The following KLHL29 variants were observed in gnomAD, a reference collection of about 807,000 sequenced individuals.
KLHL29 encodes kelch like family member 29, also known as kelch-like protein 29.
In KLHL29, 21 loss-of-function variants were observed where a neutral mutation model predicts 80.4. That is an observed-to-expected ratio of 0.26 (90% CI 0.19 to 0.38). The LOEUF is 0.38. KLHL29 is among the 10% of genes least tolerant of loss of function. The pLI is 1.00. For synonymous variants in KLHL29, 511 were observed against 526.8 expected, an observed-to-expected ratio of 0.97 and a Z score of 0.41; for missense variants, 867 against 1,223.9, an observed-to-expected ratio of 0.71 and a Z score of 4.35.
chr2:23,397,832 A>AC (rs1666488940), intron 1 of KLHL29, among the ~76,000 whole-genome samples: 2 of 152,374 alleles, frequency 1.3e-5, no homozygotes, highest in South Asian at 4.1e-4. Context: ...GAGAAGGTAT[A>AC]CCAATGGCCA....
At chr2:23,655,903 C>T (rs1222173249) in intron 5 of KLHL29, among the ~76,000 whole-genome samples, 1 of 152,174 alleles carries the variant, frequency 6.6e-6, no homozygotes, top group Non-Finnish European at 1.5e-5. Flanking sequence ...AATCATCACG[C>T]GGCATCCCCT....
chr2:23,515,365 A>C (rs1038927702), intron 2 of KLHL29, among the ~76,000 whole-genome samples: 1 of 152,088 alleles, frequency 6.6e-6, no homozygotes, highest in African/African-American at 2.4e-5. Context: ...CACAACATAC[A>C]TGCTATTTCA....
chr2:23,532,932 G>C (rs1453564499), intron 2 of KLHL29, among the ~76,000 whole-genome samples: 1 of 152,170 alleles, frequency 6.6e-6, no homozygotes, highest in African/African-American at 2.4e-5. Context: ...GAGAGGAGGA[G>C]CTCAGCTGGC....
intron 3 of KLHL29, among the ~76,000 whole-genome samples, chr2:23,587,445 C>T (rs927639559): frequency 6.6e-6 from 1 of 152,078 alleles, no homozygotes; most frequent in Non-Finnish European, 1.5e-5. Flanking sequence ...TTCTCAAGCC[C>T]TCGTACATGG....
In KLHL29 at chr2:23,696,304, G is replaced by A. The variant is rs376862963; in HGVS notation, c.1925-29G>A. 1.4e-5 allele frequency: 21 copies of A among 1,548,500 alleles called. No homozygotes were observed. In the African/African-American group the frequency reaches 2.1e-4, roughly 15 times the overall value. On this transcript the variant is annotated intron_variant, in intron 10 of 13. Coordinates refer to ENST00000486442, the MANE Select transcript of KLHL29 (RefSeq NM_052920.2). The surrounding 1 kb of genome is among the most constrained non-coding windows in gnomAD (Gnocchi z 5.5). ...CCCCAGGCCCCTCCTCACCCCGCCC[G>A]CTCTCTCTGCCTCCCACACTGCCTC...
intron 1 of KLHL29, among the ~76,000 whole-genome samples, chr2:23,388,583 TTTTA>T (rs1344166603): frequency 6.6e-6 from 1 of 152,206 alleles, no homozygotes; most frequent in Non-Finnish European, 1.5e-5. Flanking sequence ...ATCCATTCAT[TTTTA>T]TTTAGTCAAC....
At chr2:23,639,495 G>A (rs1299052107) in intron 4 of KLHL29, among the ~76,000 whole-genome samples, 1 of 152,228 alleles carries the variant, frequency 6.6e-6, no homozygotes, top group African/African-American at 2.4e-5. Flanking sequence ...ACTCCAGAGA[G>A]CAAAAGGAGT....
At chr2:23,663,153 C>G (rs1670461655) in intron 5 of KLHL29, among the ~76,000 whole-genome samples, 3 of 152,296 alleles carry the variant, frequency 2.0e-5, no homozygotes, top group African/African-American at 7.2e-5. Flanking sequence ...TACTCCCAGC[C>G]CCCAAACCCC....
chr2:23,438,221 G>C (rs1209645459), intron 1 of KLHL29, among the ~76,000 whole-genome samples: 1 of 151,620 alleles, frequency 6.6e-6, no homozygotes, highest in African/African-American at 2.4e-5. Context: ...CTGAGATGAT[G>C]GGGTTTTCTA....
At chr2:23,489,243 T>G (rs1380543138) in intron 2 of KLHL29, among the ~76,000 whole-genome samples, 1 of 152,108 alleles carries the variant, frequency 6.6e-6, no homozygotes, top group African/African-American at 2.4e-5. Flanking sequence ...TGCTGAGTGA[T>G]GTGCTGGGAG....
chr2:23,588,002 C>G (rs1367234106), intron 3 of KLHL29, among the ~76,000 whole-genome samples: 2 of 152,226 alleles, frequency 1.3e-5, no homozygotes, highest in Non-Finnish European at 2.9e-5. Flanking sequence ...AAAAAGTCCT[C>G]TCACCTGCCC....
intron 13 of KLHL29, 63 bp downstream of exon 13, chr2:23,703,926 C>A: frequency 1.4e-6 from 2 of 1,465,546 alleles, no homozygotes; most frequent in Non-Finnish European, 1.8e-6. Context: ...AGGGGTGTGA[C>A]CACAATGATT....
intron 2 of KLHL29, among the ~76,000 whole-genome samples, chr2:23,490,791 C>T (rs1206064467): frequency 6.6e-6 from 1 of 152,150 alleles, no homozygotes; most frequent in Admixed American, 6.5e-5. Flanking sequence ...ATGGATGGCT[C>T]CCAACCTAAA....
intron 1 of KLHL29, among the ~76,000 whole-genome samples, chr2:23,392,432 G>C (rs907168191): frequency 6.6e-6 from 1 of 152,172 alleles, no homozygotes; most frequent in Admixed American, 6.5e-5. Context: ...CATAATTTTA[G>C]AGTTGATGTG....
chr2:23,670,138 G>A (rs1428201324), intron 5 of KLHL29: 2 of 152,098 alleles, frequency 1.3e-5, no homozygotes, highest in Non-Finnish European at 2.9e-5. Flanking sequence ...AGGCTGCACA[G>A]GGCTCTGGGA....
chr2:23,493,358 T>C (rs1020539848), intron 2 of KLHL29, among the ~76,000 whole-genome samples: 13 of 152,198 alleles, frequency 8.5e-5, no homozygotes, highest in South Asian at 2.1e-4. Context: ...ATTTTCATTT[T>C]TTAAAAAATC....
intron 1 of KLHL29, among the ~76,000 whole-genome samples, chr2:23,465,045 TA>T (rs1349180416): frequency 6.6e-6 from 1 of 152,240 alleles, no homozygotes; most frequent in East Asian, 1.9e-4. Context: ...TTCTCAATGT[TA>T]TTTTTCATAC....
intron 2 of KLHL29, among the ~76,000 whole-genome samples, chr2:23,537,740 C>T (rs963107802): frequency 2.0e-5 from 3 of 152,104 alleles, no homozygotes; most frequent in East Asian, 1.9e-4. Context: ...AGCTGCATGT[C>T]GGGTGGGAAA....
intron 3 of KLHL29, among the ~76,000 whole-genome samples, chr2:23,564,830 T>C (rs577352598): frequency 1.3e-5 from 2 of 152,334 alleles, no homozygotes; most frequent in South Asian, 4.1e-4. Flanking sequence ...ATCTGTGGCC[T>C]GGACAGTGTG....
Sources: allele counts gnomAD v4.1 joint callset (sites outside exome capture counted in the v4.1 genomes callset), GRCh38; gene constraint gnomAD v4.1.1; non-coding constraint Gnocchi (gnomAD v3.1); transcripts MANE v1.5; gene names NCBI Gene and HGNC (gene_info 2026-07-23, HGNC 2026-07-21).